Variants in MGAT4C observed in about 807,000 individuals in gnomAD.
MGAT4C encodes the protein MGAT4 family member C.
In MGAT4C, 19 loss-of-function variants were observed where a neutral mutation model predicts 40.1. The observed-to-expected ratio is 0.47, with a 90% CI of 0.33 to 0.70. The LOEUF (loss-of-function observed/expected upper bound fraction) is 0.70, where lower values mean the gene tolerates loss of function less well. MGAT4C is among the 30% of genes least tolerant of loss of function. MGAT4C has a pLI of 0.02. For synonymous variants in MGAT4C, 181 were observed against 187.1 expected (o/e 0.97, Z 0.27); for missense variants, 491 against 563.2 (o/e 0.87, Z 1.30).
chr12:86,139,072 A>C (rs1291754746), intron 1 of MGAT4C, among the ~76,000 whole-genome samples: 2 of 152,080 alleles, frequency 1.3e-5, no homozygotes, highest in Non-Finnish European at 2.9e-5. Context: ...CTCACCCTAG[A>C]GTAATTAACT....
chr12:86,042,172 TC>T (rs1891923148), intron 2 of MGAT4C, among the ~76,000 whole-genome samples: 1 of 152,246 alleles, frequency 6.6e-6, no homozygotes, highest in African/African-American at 2.4e-5. Context: ...CAGATTTTTC[TC>T]CATCCATTAA....
At chr12:86,811,678 T>C (rs1378349305) in intron 1 of MGAT4C, among the ~76,000 whole-genome samples, 2 of 151,500 alleles carry the variant, frequency 1.3e-5, no homozygotes, top group Non-Finnish European at 3.0e-5. Context: ...ATTTATATTA[T>C]ATCCCCAATT....
intron 2 of MGAT4C, among the ~76,000 whole-genome samples, chr12:86,657,819 C>A (rs1167433891): frequency 5.9e-5 from 9 of 151,868 alleles, no homozygotes. Context: ...GAAATATTTT[C>A]ACTGAAAAGG....
chr12:86,104,805 G>A (rs907145575), intron 1 of MGAT4C, among the ~76,000 whole-genome samples: 1 of 151,938 alleles, frequency 6.6e-6, no homozygotes, highest in East Asian at 1.9e-4. Context: ...TTTTATACAC[G>A]TTAGTTATCA....
rs542256740 is a variant in MGAT4C at position 86,483,828 on chromosome 12, C to G, written c.-228-48563G>C. 1.3e-4 allele frequency among the ~76,000 whole-genome samples: 19 copies of G among 144,832 alleles called. No homozygotes were observed. The South Asian group carries it at 3.7e-3, about 28-fold the overall frequency. ...CATTAGAGTGATCTTGATGTTAAGA[C>G]AAGATGGCCTACTAGATGCAGCCAG... is the stretch of plus-strand genomic sequence containing the variant. On this transcript the variant is annotated intron_variant, in intron 2 of 7. Transcript: ENST00000548651.
At chr12:86,807,114 TTTAG>T (rs1401668627) in intron 1 of MGAT4C, among the ~76,000 whole-genome samples, 2 of 152,024 alleles carry the variant, frequency 1.3e-5, no homozygotes, top group Admixed American at 1.3e-4. Flanking sequence ...GTGGATATTA[TTTAG>T]TTTTTATTTT....
chr12:86,706,910 C>T (rs752835777), intron 2 of MGAT4C, among the ~76,000 whole-genome samples: 2 of 152,076 alleles, frequency 1.3e-5, no homozygotes, highest in South Asian at 2.1e-4. Context: ...ATGCTGTTCT[C>T]GTGATAGTGA....
intron 3 of MGAT4C, among the ~76,000 whole-genome samples, chr12:86,350,932 A>G (rs1315538368): frequency 2.6e-5 from 4 of 151,874 alleles, no homozygotes; most frequent in Admixed American, 6.6e-5. Flanking sequence ...TTACCTTTAT[A>G]GACATGTTGT....
At chr12:86,392,987 T>C (rs546074516) in intron 3 of MGAT4C, among the ~76,000 whole-genome samples, 2 of 152,292 alleles carry the variant, frequency 1.3e-5, no homozygotes, top group East Asian at 3.9e-4. Flanking sequence ...GAAAACAATT[T>C]GCATCTTTAA....
At chr12:86,081,051 A>G (rs1302544982) in intron 1 of MGAT4C, among the ~76,000 whole-genome samples, 1 of 152,174 alleles carries the variant, frequency 6.6e-6, no homozygotes, top group East Asian at 1.9e-4. Context: ...ATAGGTTACC[A>G]TTTGTTTCTC....
intron 2 of MGAT4C, among the ~76,000 whole-genome samples, chr12:86,687,479 T>C (rs1447546150): frequency 1.3e-5 from 2 of 152,236 alleles, no homozygotes. Flanking sequence ...CAGTTAGTGC[T>C]ATCAATTTCC....
intron 2 of MGAT4C, among the ~76,000 whole-genome samples, chr12:86,561,768 G>T (rs867236408): frequency 2.0e-5 from 3 of 152,104 alleles, no homozygotes; most frequent in Admixed American, 2.0e-4. Flanking sequence ...TATTAGATCT[G>T]TCCCTCTAGA....
intron 1 of MGAT4C, among the ~76,000 whole-genome samples, chr12:86,790,393 C>A (rs1952002587): frequency 1.3e-5 from 2 of 151,848 alleles, no homozygotes; most frequent in Admixed American, 1.3e-4. Flanking sequence ...AGAGGGAGGG[C>A]AAATGCTACA....
At chr12:86,741,695 C>A (rs1951072259) in intron 1 of MGAT4C, among the ~76,000 whole-genome samples, 1 of 151,328 alleles carries the variant, frequency 6.6e-6, no homozygotes, top group Non-Finnish European at 1.5e-5. Context: ...AAATTTCATG[C>A]AAGAATAGTT....
chr12:86,613,311 T>C (rs1962345801), intron 2 of MGAT4C, among the ~76,000 whole-genome samples: 1 of 152,234 alleles, frequency 6.6e-6, no homozygotes, highest in African/African-American at 2.4e-5. Flanking sequence ...TCTCAACATG[T>C]AATTACAAGA....
intron 4 of MGAT4C, among the ~76,000 whole-genome samples, chr12:86,327,180 C>T (rs1335471497): frequency 2.0e-5 from 3 of 152,096 alleles, no homozygotes; most frequent in Admixed American, 6.6e-5. Flanking sequence ...TTCCCAGGAA[C>T]TGCCCTCATT....
In MGAT4C at chr12:86,185,991, C is replaced by T. The variant is rs147357991; in HGVS notation, c.-57+70248G>A. Among the ~76,000 whole-genome samples, 998 of 152,102 alleles carry T rather than the reference C, an allele frequency of 6.6e-3. 15 individuals are homozygous for T. The highest frequency in any genetic ancestry group is 0.023 in the African/African-American group (947 of 41,514). On this transcript the variant is annotated intron_variant, in intron 1 of 4. Transcript: ENST00000611864. Reference sequence around the variant, plus strand: ...ACTCAGTCTTGATATCTATTTTCAACATATAAAATTAGTAAGACAAAGCCT... The same window carrying T: ...ACTCAGTCTTGATATCTATTTTCAATATATAAAATTAGTAAGACAAAGCCT...
At chr12:86,440,279 T>G (rs1240988505) in intron 2 of MGAT4C, among the ~76,000 whole-genome samples, 2 of 152,000 alleles carry the variant, frequency 1.3e-5, no homozygotes, top group Non-Finnish European at 2.9e-5. Flanking sequence ...GATAATTCAC[T>G]ATGATTATGT....
At chr12:86,600,003 G>T (rs9645772) in intron 2 of MGAT4C, among the ~76,000 whole-genome samples, 134,092 of 152,036 alleles carry the variant, frequency 0.88, 59,814 homozygotes, top group South Asian at 0.97. Flanking sequence ...CAGAAACAAA[G>T]TAAACAATTT....
Sources: allele counts gnomAD v4.1 joint callset (sites outside exome capture counted in the v4.1 genomes callset), GRCh38; gene constraint gnomAD v4.1.1; transcripts MANE v1.5; gene names NCBI Gene and HGNC (gene_info 2026-07-23, HGNC 2026-07-21).